The following SEH1L variants were observed in gnomAD, a reference collection of about 807,000 sequenced individuals.
SEH1L encodes SEH1 like nucleoporin.
A neutral mutation model predicts 49.5 loss-of-function variants in SEH1L; 18 were observed. The ratio of observed to expected loss-of-function variants is 0.36; its 90% CI spans 0.25 to 0.54. The LOEUF (loss-of-function observed/expected upper bound fraction) is 0.54, where lower values mean the gene tolerates loss of function less well. Ranked by LOEUF, SEH1L falls within the 20% of genes least tolerant of loss-of-function variation. The pLI is 0.87. For missense variants in SEH1L, 404 were observed against 528.8 expected (o/e 0.76, Z 2.31); for synonymous variants, 169 against 178.1 (o/e 0.95, Z 0.41).
chr18:12,975,365 GC>G (rs1011691831), intron 5 of SEH1L, among the ~76,000 whole-genome samples: 8 of 152,002 alleles, frequency 5.3e-5, no homozygotes, highest in African/African-American at 1.7e-4. Flanking sequence ...CATTTCATAA[GC>G]AGCATGGACT....
chr18:12,981,688 G>C (rs1451905045), intron 6 of SEH1L, among the ~76,000 whole-genome samples: 1 of 152,076 alleles, frequency 6.6e-6, no homozygotes, highest in Non-Finnish European at 1.5e-5. Context: ...AAATATAACT[G>C]ATAATCTATA....
At chr18:12,966,094 GT>G (rs35889009) in intron 4 of SEH1L, among the ~76,000 whole-genome samples, 37,978 of 136,278 alleles carry the variant, frequency 0.28, 5,243 homozygotes, top group East Asian at 0.53. Flanking sequence ...TATTTTTATG[GT>G]TTTTTTTTTT....
At chr18:12,984,351 C>T (rs909690850) in intron 8 of SEH1L, 161 bp downstream of exon 8, 5 of 747,308 alleles carry the variant, frequency 6.7e-6, no homozygotes, top group African/African-American at 5.3e-5. Context: ...ATGTATTTGG[C>T]TTACTTGGTC....
chr18:12,969,280 T>A (rs531139965), intron 4 of SEH1L, among the ~76,000 whole-genome samples: 14 of 145,062 alleles, frequency 9.7e-5, no homozygotes, highest in African/African-American at 2.4e-4. Context: ...TCACATTTTT[T>A]TAGCTGGGTG....
At chr18:12,969,359 G>A (rs1396620136) in intron 4 of SEH1L, among the ~76,000 whole-genome samples, 1 of 151,672 alleles carries the variant, frequency 6.6e-6, no homozygotes, top group African/African-American at 2.4e-5. Context: ...TTCAAGTCCA[G>A]CCTGGGCAAC....
chr18:12,971,131 T>C, intron 4 of SEH1L, 22 bp from the exon 5 acceptor site: 1 of 1,526,718 alleles, frequency 6.5e-7, no homozygotes, highest in Middle Eastern at 1.7e-4. Flanking sequence ...TTATCTAAAA[T>C]GTTCTTTCTC....
At chr18:12,958,673 A>G (rs925443039) in intron 3 of SEH1L, among the ~76,000 whole-genome samples, 2 of 152,144 alleles carry the variant, frequency 1.3e-5, no homozygotes, top group African/African-American at 4.8e-5. Context: ...TGTAGCATAT[A>G]TTAACTTTAT....
intron 4 of SEH1L, among the ~76,000 whole-genome samples, chr18:12,969,819 G>A (rs1178627110): frequency 6.6e-6 from 1 of 152,092 alleles, no homozygotes; most frequent in Admixed American, 6.5e-5. Flanking sequence ...TTGAACCCAG[G>A]AGGTGGAGGT....
intron 2 of SEH1L, among the ~76,000 whole-genome samples, chr18:12,953,040 C>T (rs984071972): frequency 6.6e-6 from 1 of 152,146 alleles, no homozygotes; most frequent in African/African-American, 2.4e-5. Flanking sequence ...CCTTGGCCTT[C>T]CAAAGTGCTG....
intron 3 of SEH1L, 100 bp downstream of exon 3, chr18:12,955,709 C>A (rs533944948): frequency 2.5e-6 from 3 of 1,200,676 alleles, no homozygotes; most frequent in Non-Finnish European, 3.6e-6. Flanking sequence ...TATCACCACT[C>A]CCCTCTAGTT....
Position 12,984,083 on chromosome 18 carries a change from T to A in SEH1L, c.963T>A (p.Gly321=). The A allele has an allele frequency of 6.2e-7, 1 of 1,613,864 alleles. No individual in the cohort carries two copies. ...GGAAGTGTACTGGTATTTTGAAAGGTAATGGGAGCCCAGTCAATGGGAGTT... is the reference window on the plus strand; with the variant it reads ...GGAAGTGTACTGGTATTTTGAAAGGAAATGGGAGCCCAGTCAATGGGAGTT... ...DNWKCTGILK[G]NGSPVNGSSQ... The change falls in exon 8 of 9, where the codon GGT becomes GGA. Residue 321 remains glycine, a synonymous_variant. Coordinates refer to ENST00000399892, the MANE Select transcript of SEH1L (RefSeq NM_001013437.2).
In SEH1L at chr18:12,948,041, G is replaced by T. The variant is rs1174997059; in HGVS notation, c.-81G>T. ...AAGCCGTGCGCTCCCGGGCTGCGAGGTCTGGCTAGGCTACGGGCCACGCGC... is the reference window on the plus strand; with the variant it reads ...AAGCCGTGCGCTCCCGGGCTGCGAGTTCTGGCTAGGCTACGGGCCACGCGC... On this transcript the variant is annotated 5_prime_UTR_variant, in exon 1 of 9. Transcript: ENST00000399892. 6.7e-6 allele frequency: 7 copies of T among 1,040,580 alleles called. No individual in the cohort carries two copies. In the East Asian group the frequency reaches 1.3e-4, roughly 19 times the overall value. The allele number at this position is 1,040,580 out of a possible 1,614,324, so 64.5% of individuals were successfully genotyped here.
At chr18:12,963,049 C>A (rs2031267524) in intron 3 of SEH1L, 111 bp from the exon 4 acceptor site, 3 of 708,282 alleles carry the variant, frequency 4.2e-6, no homozygotes, top group Non-Finnish European at 6.9e-6. Context: ...AGCTTATATA[C>A]CTAGTGAATG....
rs554187309 is a variant in SEH1L, at chr18:12,984,243, G to T, written c.1070+53G>T. 1.3e-3 allele frequency: 1,985 copies of T among 1,557,000 alleles called. 44 individuals are homozygous for T. The South Asian group carries it at 0.021, about 16-fold the overall frequency. On this transcript the variant is annotated intron_variant, in intron 8 of 8. Transcript: ENST00000399892. ...ATCATCTTTGTTTTAAATCATTCTG[G>T]TAGCCATACTTAAGGTGGATTATTT...
chr18:12,984,200 T>C lies in SEH1L; in HGVS notation c.1070+10T>C, dbSNP rs762174021. On this transcript the variant is annotated intron_variant, in intron 8 of 8. Coordinates refer to ENST00000399892, the MANE Select transcript of SEH1L (RefSeq NM_001013437.2). ...GATCTTCTGCTGGCAGGTAGGCTGCTTCATGGGAAAACTGGAAATCATCTT... is the reference window on the plus strand; with the variant it reads ...GATCTTCTGCTGGCAGGTAGGCTGCCTCATGGGAAAACTGGAAATCATCTT... 1.2e-6 allele frequency: 2 copies of C among 1,612,342 alleles called. No homozygotes were observed. The highest frequency in any genetic ancestry group is 1.7e-4 in the Middle Eastern group (1 of 6,056).
At position 12,987,012 on chromosome 18, in the gene SEH1L, T is replaced by C; in HGVS notation, c.1221T>C (p.Tyr407=). 6.2e-7 allele frequency: 1 copy of C among 1,613,378 alleles called. No homozygotes were observed. Among genetic ancestry groups the C allele is most frequent in the Non-Finnish European group, 8.5e-7 (1 of 1,179,532 alleles). The part of the protein sequence containing the change: ...NLQYPHPRRR[Y]LSRPLNPLPE... ...AGTATCCTCACCCTCGCAGACGATA[T>C]CTCTCTCGGCCTCTTAATCCCTTAC... The change falls in exon 9 of 9, where the codon TAT becomes TAC. Residue 407 remains tyrosine (Y), a synonymous_variant. Coordinates refer to ENST00000399892, the MANE Select transcript of SEH1L (RefSeq NM_001013437.2).
intron 6 of SEH1L, among the ~76,000 whole-genome samples, chr18:12,980,030 C>T (rs1242817949): frequency 9.9e-6 from 1 of 100,682 alleles, no homozygotes; most frequent in Non-Finnish European, 2.0e-5. Context: ...CCCGGACGGG[C>T]GGCTGACCCC....
At chr18:12,961,544 G>A (rs1288183672) in intron 3 of SEH1L, among the ~76,000 whole-genome samples, 2 of 152,168 alleles carry the variant, frequency 1.3e-5, no homozygotes, top group Non-Finnish European at 2.9e-5. Flanking sequence ...AGTGGTGTCT[G>A]TAGACAAAAG....
At chr18:12,967,840 G>A (rs537048682) in intron 4 of SEH1L, among the ~76,000 whole-genome samples, 27 of 152,100 alleles carry the variant, frequency 1.8e-4, no homozygotes, top group Admixed American at 3.3e-4. Flanking sequence ...CTTGAACTTC[G>A]GAGATGAAGG....
Sources: allele counts gnomAD v4.1 joint callset (sites outside exome capture counted in the v4.1 genomes callset), GRCh38; gene constraint gnomAD v4.1.1; transcripts MANE v1.5; gene names NCBI Gene and HGNC (gene_info 2026-07-23, HGNC 2026-07-21).